VGLL3: variants seen among roughly 807,000 people sequenced by gnomAD.
VGLL3 encodes transcription cofactor vestigial-like protein 3.
VGLL3 carries 18 observed loss-of-function variants against 29.2 expected under a neutral mutation model. The ratio of observed to expected loss-of-function variants is 0.62; its 90% confidence interval spans 0.43 to 0.91. The LOEUF is 0.91. VGLL3 is among the 40% of genes least tolerant of loss of function. VGLL3 has a pLI of 0.00. For missense variants in VGLL3, 440 were observed against 413.2 expected (o/e 1.06, Z -0.56); for synonymous variants, 180 against 151.8 (o/e 1.19, Z -1.36).
At chr3:86,969,807 G>A (rs1028283188) in intron 2 of VGLL3, among the ~76,000 whole-genome samples, 4 of 151,634 alleles carry the variant, frequency 2.6e-5, no homozygotes, top group Non-Finnish European at 5.9e-5. Context: ...ATTTTTCCAG[G>A]GGCTTTTCAT....
intron 1 of VGLL3, among the ~76,000 whole-genome samples, chr3:86,988,582 A>G (rs1427354542): frequency 5.7e-5 from 8 of 140,296 alleles, no homozygotes; most frequent in African/African-American, 2.1e-4. Flanking sequence ...TTACACTGTC[A>G]AGTCTTTTTT....
chr3:86,965,809 C>A (rs936951419), intron 3 of VGLL3, among the ~76,000 whole-genome samples: 5 of 152,166 alleles, frequency 3.3e-5, no homozygotes, highest in Non-Finnish European at 7.3e-5. Flanking sequence ...AACCATCTCA[C>A]TCCAGAGCTC....
chr3:86,968,954 G>A lies in VGLL3; in HGVS notation c.573C>T (p.Asn191=). ...AADPSPWPGH[N]LHQTGPAPPP... ...GAGGGGCTGGGCCAGTCTGATGCAGGTTGTGTCCCGGCCAAGGACTGGGAT... is the reference window on the plus strand; with the variant it reads ...GAGGGGCTGGGCCAGTCTGATGCAGATTGTGTCCCGGCCAAGGACTGGGAT... The change falls in exon 3 of 4, where the codon AAC becomes AAT. Residue 191 remains asparagine, a synonymous_variant. Coordinates refer to ENST00000398399, the MANE Select transcript of VGLL3 (RefSeq NM_016206.4). 6.2e-7 allele frequency: 1 copy of A among 1,614,132 alleles called. No homozygotes were observed. Among genetic ancestry groups the A allele is most frequent in the Non-Finnish European group, 8.5e-7 (1 of 1,180,034 alleles).
intron 3 of VGLL3, among the ~76,000 whole-genome samples, chr3:86,960,682 T>G (rs577206815): frequency 4.5e-4 from 68 of 152,148 alleles, no homozygotes; most frequent in African/African-American, 1.3e-3. Flanking sequence ...ACAGTCTTGA[T>G]TTCACTTGTA....
intron 1 of VGLL3, among the ~76,000 whole-genome samples, chr3:86,987,613 G>T (rs1705476861): frequency 6.6e-6 from 1 of 152,142 alleles, no homozygotes; most frequent in Non-Finnish European, 1.5e-5. Flanking sequence ...GAGATGGTGG[G>T]CATGCGAAAC....
chr3:86,958,743 G>T (rs769646597), intron 3 of VGLL3, among the ~76,000 whole-genome samples: 10 of 152,066 alleles, frequency 6.6e-5, no homozygotes, highest in Non-Finnish European at 1.5e-4. Context: ...TCACAGGCTG[G>T]GATCTCCTGG....
chr3:86,983,117 C>A (rs1203369009), intron 1 of VGLL3, among the ~76,000 whole-genome samples: 3 of 152,132 alleles, frequency 2.0e-5, no homozygotes. Flanking sequence ...CTTAAGCCTA[C>A]AAAATGCCAA....
intron 2 of VGLL3, among the ~76,000 whole-genome samples, chr3:86,976,106 C>T (rs1419184930): frequency 6.6e-6 from 1 of 151,914 alleles, no homozygotes; most frequent in African/African-American, 2.4e-5. Flanking sequence ...AAGAGCGAAA[C>T]TCCATCTCAA....
At chr3:86,950,917 T>G (rs1040827658) in intron 3 of VGLL3, among the ~76,000 whole-genome samples, 1 of 152,160 alleles carries the variant, frequency 6.6e-6, no homozygotes, top group Non-Finnish European at 1.5e-5. Flanking sequence ...TTTCAATTGT[T>G]TACTCCAGAG....
In VGLL3 at chr3:86,990,733, GC is replaced by G; in HGVS notation, c.10del (p.Ala4ArgfsTer3). On this transcript the variant is annotated frameshift_variant, in exon 1 of 4. Transcript: ENST00000398399. LOFTEE classifies it high-confidence loss of function. MSC[A>X]EVMYHPQPYG... ...AGGCTGGGGGTGATACATCACCTCC[GC>G]ACAACTCATGGCAGCCGGGGCAGTG... 4 of 1,345,856 alleles carry G rather than the reference GC, an allele frequency of 3.0e-6. No homozygotes were observed. The highest frequency in any genetic ancestry group is 3.8e-6 in the Non-Finnish European group (4 of 1,043,648). The allele number at this position is 1,345,856 out of a possible 1,614,324, so 83.4% of individuals were successfully genotyped here. A position where few individuals can be genotyped will look rare whatever the true frequency, so the allele number is the denominator to read the frequency against.
intron 3 of VGLL3, chr3:86,963,094 T>C (rs1704889809): frequency 5.6e-6 from 1 of 179,426 alleles, no homozygotes; most frequent in South Asian, 7.9e-5. Context: ...AAACTCTGTC[T>C]CAAAACAAAA....
Position 86,988,748 on chromosome 3 carries a change from A to G in VGLL3, c.126+1870T>C, listed in dbSNP as rs181567456. ...CATGAAAATTTCCAAGCACCTCCCTATGGCTCACTCAGCCTAACATCTAGT... is the reference window on the plus strand; with the variant it reads ...CATGAAAATTTCCAAGCACCTCCCTGTGGCTCACTCAGCCTAACATCTAGT... On this transcript the variant is annotated intron_variant, in intron 1 of 3. Coordinates refer to ENST00000398399, the MANE Select transcript of VGLL3 (RefSeq NM_016206.4). Among the ~76,000 whole-genome samples, 11 of 149,806 alleles carry G rather than the reference A, an allele frequency of 7.3e-5. No homozygotes were observed. The East Asian group carries it at 2.2e-3, about 30-fold the overall frequency.
rs1002799575 is a variant in VGLL3 at position 86,962,457 on chromosome 3, C to A, written c.937+6133G>T. Reference sequence around the variant, plus strand: ...CAGCCCTTCGGAAAAAATGGACCACCTTACTTCATTCCTATGGCAGTTTTG... The same window carrying A: ...CAGCCCTTCGGAAAAAATGGACCACATTACTTCATTCCTATGGCAGTTTTG... On this transcript the variant is annotated intron_variant, in intron 3 of 3. Transcript: ENST00000398399. 3 of 985,240 alleles carry A rather than the reference C, an allele frequency of 3.0e-6. No individual in the cohort carries two copies. The African/African-American group carries it at 5.2e-5, about 17-fold the overall frequency. 61.0% of individuals were successfully genotyped at this position (985,240 alleles called of 1,614,324 possible).
At chr3:86,969,557 A>G (rs1705046385) in intron 2 of VGLL3, among the ~76,000 whole-genome samples, 1 of 152,212 alleles carries the variant, frequency 6.6e-6, no homozygotes, top group Non-Finnish European at 1.5e-5. Flanking sequence ...CTAAATGCAA[A>G]TACAATTTTC....
rs576725676 is a variant in VGLL3 at position 86,990,556 on chromosome 3, A to G, written c.126+62T>C. The G allele has an allele frequency of 4.6e-6, 6 of 1,310,222 alleles. No individual in the cohort carries two copies. In the East Asian group the frequency reaches 1.4e-4, roughly 31 times the overall value. The allele number at this position is 1,310,222 out of a possible 1,614,324, so 81.2% of individuals were successfully genotyped here. On this transcript the variant is annotated intron_variant, in intron 1 of 3. Transcript: ENST00000398399. ...TGCCGGCGGGACGTCGCCGAGCCCC[A>G]GACCGATACTCTCGATGCCCTTCGC... is the stretch of plus-strand genomic sequence containing the variant.
chr3:86,956,809 A>G (rs1205033414), intron 3 of VGLL3, among the ~76,000 whole-genome samples: 3 of 151,694 alleles, frequency 2.0e-5, no homozygotes, highest in Non-Finnish European at 4.4e-5. Context: ...AAAAAAAAAA[A>G]AAAAGAAAGA....
Position 86,945,321 on chromosome 3 carries a change from A to G in VGLL3, c.*1703T>C, listed in dbSNP as rs1302789788. The stretch of plus-strand genomic sequence containing the variant: ...TATCTATGAGAACTCTGCCTAGCTG[A>G]ACATGTCATGTTCATGTCTAAAAAG... On this transcript the variant is annotated 3_prime_UTR_variant, in exon 4 of 4. Transcript: ENST00000398399. 1 of 152,224 alleles carries G rather than the reference A, an allele frequency of 6.6e-6. No homozygotes were observed. Among genetic ancestry groups the G allele is most frequent in the African/African-American group, 2.4e-5 (1 of 41,478 alleles). The allele number at this position is 152,224 out of a possible 1,614,324, so 9.4% of individuals were successfully genotyped here.
chr3:86,955,412 T>C (rs946509573), intron 3 of VGLL3, among the ~76,000 whole-genome samples: 1 of 145,686 alleles, frequency 6.9e-6, no homozygotes, highest in African/African-American at 2.6e-5. Flanking sequence ...AGACGAAGTC[T>C]CACTCTGTCA....
At chr3:86,964,015 C>G (rs1223113522) in intron 3 of VGLL3, among the ~76,000 whole-genome samples, 2 of 152,158 alleles carry the variant, frequency 1.3e-5, no homozygotes, top group Non-Finnish European at 2.9e-5. Context: ...GGGTCAGCAA[C>G]TACCCACAGG....
Sources: allele counts gnomAD v4.1 joint callset (sites outside exome capture counted in the v4.1 genomes callset), GRCh38; gene constraint gnomAD v4.1.1; transcripts MANE v1.5; gene names NCBI Gene and HGNC (gene_info 2026-07-23, HGNC 2026-07-21).